CTNND2: variants seen among roughly 807,000 people sequenced by gnomAD.
The protein encoded by CTNND2 is catenin delta-2.
Under a neutral mutation model 144.4 loss-of-function variants are expected in CTNND2, and 22 were observed. The ratio of observed to expected loss-of-function variants is 0.15; its 90% CI spans 0.11 to 0.22. CTNND2 has a LOEUF of 0.22. Among genes scored for constraint, CTNND2 ranks in the 10% least tolerant of loss-of-function variants. The probability of loss-of-function intolerance (pLI) is 1.00; values close to 1 mark genes in which losing one functional copy is unlikely to be tolerated. For missense variants in CTNND2, 1,353 were observed against 1,618.8 expected (o/e 0.84, Z 2.82); for synonymous variants, 751 against 695.6 (o/e 1.08, Z -1.25).
chr5:11,594,310 C>A (rs1294208409), intron 2 of CTNND2, among the ~76,000 whole-genome samples: 1 of 152,116 alleles, frequency 6.6e-6, no homozygotes, highest in East Asian at 1.9e-4. Context: ...TAGGCTGGTG[C>A]AAAAGTAATT....
intron 21 of CTNND2, among the ~76,000 whole-genome samples, chr5:10,975,528 G>A (rs1482017176): frequency 6.6e-6 from 1 of 152,158 alleles, no homozygotes; most frequent in Non-Finnish European, 1.5e-5. Flanking sequence ...GCACAGAGAA[G>A]TTAAGAAACT....
intron 18 of CTNND2, among the ~76,000 whole-genome samples, chr5:11,007,925 C>T (rs915301357): frequency 4.6e-5 from 7 of 152,296 alleles, no homozygotes; most frequent in East Asian, 1.9e-4. Flanking sequence ...TGGGTGGCCA[C>T]TTGATTAAGA....
intron 1 of CTNND2, among the ~76,000 whole-genome samples, chr5:11,872,298 G>A (rs1238640683): frequency 6.6e-6 from 1 of 152,156 alleles, no homozygotes; most frequent in Non-Finnish European, 1.5e-5. Flanking sequence ...GGGCATTTGG[G>A]TTGGTTCCAA....
intron 3 of CTNND2, among the ~76,000 whole-genome samples, chr5:11,420,925 T>C (rs555906462): frequency 2.6e-5 from 4 of 152,130 alleles, no homozygotes; most frequent in African/African-American, 9.7e-5. Flanking sequence ...AAGGAACTGC[T>C]TCCTCTTTTA....
chr5:11,673,428 T>G (rs1784011523), intron 2 of CTNND2, among the ~76,000 whole-genome samples: 1 of 152,340 alleles, frequency 6.6e-6, no homozygotes, highest in Admixed American at 6.5e-5. Flanking sequence ...GGTCTTTTTA[T>G]TTTTATTTGT....
chr5:11,558,731 C>T (rs1300210176), intron 3 of CTNND2, among the ~76,000 whole-genome samples: 2 of 152,044 alleles, frequency 1.3e-5, no homozygotes, highest in African/African-American at 4.8e-5. Flanking sequence ...TCAGGGTCAA[C>T]CTATAGCTTT....
chr5:11,107,294 T>C (rs1752519822), intron 14 of CTNND2, among the ~76,000 whole-genome samples: 1 of 152,236 alleles, frequency 6.6e-6, no homozygotes, highest in Admixed American at 6.5e-5. Flanking sequence ...ATCTACTTTG[T>C]CTGAAATGAG....
chr5:11,364,961 T>C, intron 7 of CTNND2, 71 bp from the exon 8 acceptor site: 1 of 1,361,930 alleles, frequency 7.3e-7, no homozygotes, highest in Non-Finnish European at 1.0e-6. Context: ...ATCAAAGACA[T>C]ATTCAAATTT....
intron 14 of CTNND2, among the ~76,000 whole-genome samples, chr5:11,106,843 G>A (rs1295799638): frequency 1.3e-5 from 2 of 152,188 alleles, no homozygotes; most frequent in Admixed American, 1.3e-4. Context: ...CCACAGGGAT[G>A]TAACAGTGAT....
intron 14 of CTNND2, among the ~76,000 whole-genome samples, chr5:11,110,239 G>A (rs1035811533): frequency 6.6e-6 from 1 of 152,092 alleles, no homozygotes; most frequent in Non-Finnish European, 1.5e-5. Flanking sequence ...CCTACTTCCC[G>A]CTGCAGCAGG....
At chr5:11,186,697 G>T (rs1353446055) in intron 11 of CTNND2, among the ~76,000 whole-genome samples, 1 of 152,162 alleles carries the variant, frequency 6.6e-6, no homozygotes, top group African/African-American at 2.4e-5. Context: ...CCTCGAGAGG[G>T]TATTGCTAAA....
intron 2 of CTNND2, among the ~76,000 whole-genome samples, chr5:11,569,742 T>C (rs1266715001): frequency 6.6e-6 from 1 of 152,184 alleles, no homozygotes; most frequent in Non-Finnish European, 1.5e-5. Context: ...TTGAGGCTTC[T>C]TCATTTCTAT....
In CTNND2 at chr5:11,201,965, C is replaced by T. The variant is rs566679599; in HGVS notation, c.1762-2304G>A. Among the ~76,000 whole-genome samples, 8 of 152,254 alleles carry T rather than the reference C, an allele frequency of 5.3e-5. No individual in the cohort carries two copies. In the South Asian group the frequency reaches 1.7e-3, roughly 32 times the overall value. ...ATTATAGTGCTTGAGAAGGGATATT[C>T]CACGTGTACAAAAAAGGTTAAACTA... On this transcript the variant is annotated intron_variant, in intron 10 of 21. Coordinates refer to ENST00000304623, the MANE Select transcript of CTNND2 (RefSeq NM_001332.4).
chr5:11,190,369 C>T (rs1245769237), intron 11 of CTNND2, among the ~76,000 whole-genome samples: 1 of 152,240 alleles, frequency 6.6e-6, no homozygotes, highest in African/African-American at 2.4e-5. Flanking sequence ...AGGAACTCTG[C>T]TTCCCCTGGT....
At chr5:11,421,755 AAG>A (rs1762384641) in intron 3 of CTNND2, among the ~76,000 whole-genome samples, 1 of 152,088 alleles carries the variant, frequency 6.6e-6, no homozygotes, top group African/African-American at 2.4e-5. Context: ...GCGGATAACA[AAG>A]AGAGGGGCAG....
chr5:11,351,267 G>A (rs780561760), intron 8 of CTNND2, among the ~76,000 whole-genome samples: 1 of 152,168 alleles, frequency 6.6e-6, no homozygotes. Context: ...ACACTGGAGA[G>A]GGAAGGTGCT....
At chr5:11,822,520 C>T (rs1325628093) in intron 1 of CTNND2, among the ~76,000 whole-genome samples, 1 of 152,018 alleles carries the variant, frequency 6.6e-6, no homozygotes, top group Non-Finnish European at 1.5e-5. Flanking sequence ...TTTCCGCATC[C>T]TGGTATTCAC....
chr5:11,585,374 C>T (rs187326878), intron 2 of CTNND2, among the ~76,000 whole-genome samples: 3,999 of 151,554 alleles, frequency 0.026, 85 homozygotes, highest in East Asian at 0.1. Context: ...CTTTTTTAAT[C>T]GGGGGAAAAA....
chr5:11,348,568 A>G (rs1175772198), intron 8 of CTNND2, among the ~76,000 whole-genome samples: 1 of 152,144 alleles, frequency 6.6e-6, no homozygotes, highest in Non-Finnish European at 1.5e-5. Context: ...CAGGAAAGAA[A>G]TAGTTTTCTA....
Sources: gnomAD v4.1 joint callset for allele counts (sites outside exome capture counted in the v4.1 genomes callset) on GRCh38, gnomAD v4.1.1 for gene constraint, MANE v1.5 for transcripts, NCBI Gene and HGNC (gene_info 2026-07-23, HGNC 2026-07-21) for gene names.